The following CALHM2 variants were observed in gnomAD, a reference collection of about 807,000 sequenced individuals.
The protein encoded by CALHM2 is calcium homeostasis modulator protein 2.
In CALHM2, 18 loss-of-function variants were observed where a neutral mutation model predicts 20.4. The observed-to-expected ratio is 0.88, with a 90% CI of 0.61 to 1.31. The LOEUF is 1.31. Among genes scored for constraint, CALHM2 ranks in the 50% most tolerant of loss-of-function variants. The pLI is 0.00. For synonymous variants in CALHM2, 193 were observed against 192.1 expected (o/e 1.00, Z -0.04); for missense variants, 411 against 435.7 (o/e 0.94, Z 0.50).
Position 103,450,102 on chromosome 10 carries a change from G to A in CALHM2, c.-158-3C>T, listed in dbSNP as rs577505940. On this transcript the variant is annotated splice_region_variant and splice_polypyrimidine_tract_variant and intron_variant, in intron 2 of 3. Transcript: ENST00000260743. ...AGCTGTGGTTGGCCTGGTGTTTCCT[G>A]TGGAGCAGATGACCGATAAGTGTTT... is the stretch of plus-strand genomic sequence containing the variant. 1 of 640,396 alleles carries A rather than the reference G, an allele frequency of 1.6e-6. No homozygotes were observed. Among genetic ancestry groups the A allele is most frequent in the Non-Finnish European group, 2.7e-6 (1 of 369,758 alleles). The allele number at this position is 640,396 out of a possible 1,614,324, so 39.7% of individuals were successfully genotyped here.
Position 103,446,979 on chromosome 10 carries a change from G to T in CALHM2, c.*173C>A. ...CTGTCACCTGGCCCTGCTGGCTGGGGCTTCCATTGTCTACTGGGTCTGTCC... is the reference window on the plus strand; with the variant it reads ...CTGTCACCTGGCCCTGCTGGCTGGGTCTTCCATTGTCTACTGGGTCTGTCC... On this transcript the variant is annotated 3_prime_UTR_variant, in exon 4 of 4. Transcript: ENST00000260743. 1 of 636,940 alleles carries T rather than the reference G, an allele frequency of 1.6e-6. No homozygotes were observed. The highest frequency in any genetic ancestry group is 2.6e-6 in the Non-Finnish European group (1 of 382,370). 39.5% of individuals were successfully genotyped at this position (636,940 alleles called of 1,614,324 possible).
intron 3 of CALHM2, among the ~76,000 whole-genome samples, chr10:103,448,734 G>GA (rs891688050): frequency 1.3e-5 from 2 of 149,826 alleles, no homozygotes; most frequent in African/African-American, 2.4e-5. Context: ...AAAAAAAAAA[G>GA]AAAAAAAAGA....
intron 3 of CALHM2, among the ~76,000 whole-genome samples, chr10:103,447,957 CAT>C (rs1000494063): frequency 2.6e-5 from 4 of 152,154 alleles, no homozygotes; most frequent in African/African-American, 7.2e-5. Flanking sequence ...GGAGGTCACA[CAT>C]GTGCTTGTCT....
Position 103,449,626 on chromosome 10 carries a change from T to A in CALHM2, c.316A>T (p.Ile106Phe). 5.0e-6 allele frequency: 8 copies of A among 1,613,788 alleles called. No homozygotes were observed. The highest frequency in any genetic ancestry group is 6.8e-6 in the Non-Finnish European group (8 of 1,179,962). The stretch of plus-strand genomic sequence containing the variant: ...GGGGCCACAGCCGCACGTCCCAGGA[T>A]GGAGCTTAGAAGGAGGAAGGTGGGG... ...AAPTFLLLSS[I>F]LGRAAVAPVT... The change falls in exon 3 of 4, where the codon ATC becomes TTC. Residue 106 changes from isoleucine (I) to phenylalanine (F), a missense_variant. Transcript: ENST00000260743.
rs753895692 is a variant in CALHM2, at chr10:103,449,516, C to T, written c.426G>A (p.Thr142=). ...LSEFVDPSSL[T]AREEHFPSAH... ...CTGATGGGAAGTGCTCTTCCCTGGCCGTGAGTGAGGAAGGGTCCACGAACT... is the reference window on the plus strand; with the variant it reads ...CTGATGGGAAGTGCTCTTCCCTGGCTGTGAGTGAGGAAGGGTCCACGAACT... The change falls in exon 3 of 4, where the codon ACG becomes ACA. Residue 142 remains threonine (T), a synonymous_variant. Transcript: ENST00000260743. 6 of 1,613,458 alleles carry T rather than the reference C, an allele frequency of 3.7e-6. No individual in the cohort carries two copies. The highest frequency in any genetic ancestry group is 1.3e-5 in the African/African-American group (1 of 74,910).
Position 103,449,818 on chromosome 10 carries a change from CCA to C in CALHM2, c.122_123del (p.Val41GlyfsTer85). The C allele has an allele frequency of 1.9e-6, 3 of 1,613,392 alleles. No individual in the cohort carries two copies. The highest frequency in any genetic ancestry group is 2.5e-6 in the Non-Finnish European group (3 of 1,180,022). ...GGCGAGCAGGGGCAGTGGAAGGCCA[CCA>C]CAGAGAACAGCTCCTGGCTGCCCAC... ...GTVGSQELFS[V>X]VAFHCPCSPA... On this transcript the variant is annotated frameshift_variant, in exon 3 of 4. Transcript: ENST00000260743. LOFTEE classifies it high-confidence loss of function.
At chr10:103,450,945 G>C (rs1315233691) in intron 2 of CALHM2, 138 bp downstream of exon 2, 1 of 152,254 alleles carries the variant, frequency 6.6e-6, no homozygotes, top group East Asian at 1.9e-4. Context: ...ACCTGAAGAG[G>C]ATAAAGTGCC....
Position 103,447,044 on chromosome 10 carries a change from A to T in CALHM2, c.*108T>A. 8.2e-7 allele frequency: 1 copy of T among 1,223,866 alleles called. No homozygotes were observed. The allele number at this position is 1,223,866 out of a possible 1,614,324, so 75.8% of individuals were successfully genotyped here. A position where few individuals can be genotyped will look rare whatever the true frequency, so the allele number is the denominator to read the frequency against. On this transcript the variant is annotated 3_prime_UTR_variant, in exon 4 of 4. Coordinates refer to ENST00000260743, the MANE Select transcript of CALHM2 (RefSeq NM_015916.5). The stretch of plus-strand genomic sequence containing the variant: ...CTTGTGGTCCTTTCCCCTGGCCAAG[A>T]AGATAACAGTTTTTTAAAAATCCCC...
chr10:103,447,422 C>T lies in CALHM2; in HGVS notation c.702G>A (p.Thr234=), dbSNP rs149608137. 13 of 1,614,070 alleles carry T rather than the reference C, an allele frequency of 8.1e-6. No individual in the cohort carries two copies. The highest frequency in any genetic ancestry group is 5.0e-5 in the Admixed American group (3 of 60,008). The change falls in exon 4 of 4, where the codon ACG becomes ACA. Residue 234 remains threonine (T), a synonymous_variant. Transcript: ENST00000260743. Reference sequence around the variant, plus strand: ...CGAGCACCCGAGAGTGCACCTCGGCCGTGCGCTGGAACAGCTGGTCCTCAT... The same window carrying T: ...CGAGCACCCGAGAGTGCACCTCGGCTGTGCGCTGGAACAGCTGGTCCTCAT... ...RANEDQLFQR[T]AEVHSRVLAA...
rs756618009 is a variant in CALHM2, at chr10:103,447,374, G to C, written c.750C>G (p.Phe250Leu). Reference protein sequence around the residue: ...RVLAANNVRRFFGFVALNKDD... With the variant: ...RVLAANNVRRLFGFVALNKDD... Reference sequence around the variant, plus strand: ...CCTTGTTGAGCGCCACAAAGCCAAAGAAGCGGCGCACATTGTTGGCAGCGA... The same window carrying C: ...CCTTGTTGAGCGCCACAAAGCCAAACAAGCGGCGCACATTGTTGGCAGCGA... Residue 250 changes from phenylalanine (F) to leucine (L), a missense_variant, in exon 4 of 4, where the codon TTC becomes TTG. Phe to Leu is a conservative substitution (Grantham distance 22). Transcript: ENST00000260743. The C allele has an allele frequency of 3.1e-6, 5 of 1,614,132 alleles. No homozygotes were observed. The Middle Eastern group carries it at 4.9e-4, about 160-fold the overall frequency.
At chr10:103,450,127 T>G in intron 2 of CALHM2, 28 bp from the exon 3 acceptor site, 2 of 606,622 alleles carry the variant, frequency 3.3e-6, no homozygotes, top group East Asian at 5.5e-5. Flanking sequence ...GATAAGTGTT[T>G]CCCTCTGAAA....
rs2032843918 is a variant in CALHM2, at chr10:103,449,408, G to GCGGC, written c.530_533dup (p.Arg179ProfsTer6). On this transcript the variant is annotated frameshift_variant, in exon 3 of 4. Transcript: ENST00000260743. LOFTEE classifies it high-confidence loss of function. The stretch of plus-strand genomic sequence containing the variant: ...TTACCTGGGACTCATACCTGAGCCT[G>GCGGC]CGGCTGACCTCCTCCCGGAAGTCTG... 1 of 1,612,832 alleles carries GCGGC rather than the reference G, an allele frequency of 6.2e-7. No individual in the cohort carries two copies. Among genetic ancestry groups the GCGGC allele is most frequent in the Non-Finnish European group, 8.5e-7 (1 of 1,180,020 alleles).
rs1310159671 is a variant in CALHM2, at chr10:103,449,335, T to C, written c.555+52A>G. ...TTTAGCACTAGGCCATCCCCGGACC[T>C]CTCACCAGCCACCACTAGGGAAGAG... On this transcript the variant is annotated intron_variant, in intron 3 of 3. Coordinates refer to ENST00000260743, the MANE Select transcript of CALHM2 (RefSeq NM_015916.5). 5.2e-6 allele frequency: 8 copies of C among 1,535,244 alleles called. No homozygotes were observed. In the African/African-American group the frequency reaches 9.5e-5, roughly 18 times the overall value.
Position 103,450,055 on chromosome 10 carries a change from G to A in CALHM2, c.-114C>T. Reference sequence around the variant, plus strand: ...GCTGGGAGGCGCTGGACGGCAGGGTGTGGTTGTGCTATTTTATCCCCAGCT... The same window carrying A: ...GCTGGGAGGCGCTGGACGGCAGGGTATGGTTGTGCTATTTTATCCCCAGCT... On this transcript the variant is annotated 5_prime_UTR_variant, in exon 3 of 4. Coordinates refer to ENST00000260743, the MANE Select transcript of CALHM2 (RefSeq NM_015916.5). 1.1e-6 allele frequency: 1 copy of A among 933,546 alleles called. No individual in the cohort carries two copies. The highest frequency in any genetic ancestry group is 1.5e-5 in the South Asian group (1 of 64,932). The allele number at this position is 933,546 out of a possible 1,614,324, so 57.8% of individuals were successfully genotyped here. A position where few individuals can be genotyped will look rare whatever the true frequency, so the allele number is the denominator to read the frequency against.
At chr10:103,449,186 T>A (rs2032826952) in intron 3 of CALHM2, 45 of 570,030 alleles carry the variant, frequency 7.9e-5, no homozygotes, top group Middle Eastern at 4.8e-4. Context: ...AAAAAAAAAA[T>A]TGATAAAACT....
At chr10:103,451,644 G>GGAC (rs2032993748) in intron 1 of CALHM2, 1 of 128,010 alleles carries the variant, frequency 7.8e-6, no homozygotes, top group Non-Finnish European at 1.7e-5. Context: ...AGGAACAACA[G>GGAC]GAGGAGGAGG....
rs776320906 is a variant in CALHM2, at chr10:103,447,261, C to A, written c.863G>T (p.Arg288Leu). 6 of 1,614,234 alleles carry A rather than the reference C, an allele frequency of 3.7e-6. No homozygotes were observed. Among genetic ancestry groups the A allele is most frequent in the Admixed American group, 3.3e-5 (2 of 60,034 alleles). The change falls in exon 4 of 4, where the codon CGT becomes CTT. Residue 288 changes from arginine to leucine, a missense_variant. Arg to Leu is a moderately radical substitution (Grantham distance 102). Coordinates refer to ENST00000260743, the MANE Select transcript of CALHM2 (RefSeq NM_015916.5). ...GTAGAGTGGGAGGCCCTGGTTCTCA[C>A]GGTACAAGTAGACGCCGGTGATGGC... ...WNAITGVYLY[R>L]ENQGLPLYSR...
Position 103,450,057 on chromosome 10 carries a change from G to A in CALHM2, c.-116C>T. ...TGGGAGGCGCTGGACGGCAGGGTGT[G>A]GTTGTGCTATTTTATCCCCAGCTGT... On this transcript the variant is annotated 5_prime_UTR_variant, in exon 3 of 4. Transcript: ENST00000260743. The A allele has an allele frequency of 1.1e-6, 1 of 921,664 alleles. No homozygotes were observed. Among genetic ancestry groups the A allele is most frequent in the Non-Finnish European group, 1.7e-6 (1 of 605,896 alleles). 57.1% of individuals were successfully genotyped at this position (921,664 alleles called of 1,614,324 possible).
In CALHM2 at chr10:103,447,410, G is replaced by A. The variant is rs2032697896; in HGVS notation, c.714C>T (p.His238=). Residue 238 remains histidine (H), a synonymous_variant, in exon 4 of 4, where the codon CAC becomes CAT. Transcript: ENST00000260743. ...DQLFQRTAEV[H]SRVLAANNVR... ...CATTGTTGGCAGCGAGCACCCGAGA[G>A]TGCACCTCGGCCGTGCGCTGGAACA... 6.2e-7 allele frequency: 1 copy of A among 1,614,084 alleles called. No homozygotes were observed. The highest frequency in any genetic ancestry group is 1.3e-5 in the African/African-American group (1 of 74,958).
Sources: allele counts gnomAD v4.1 joint callset (sites outside exome capture counted in the v4.1 genomes callset), GRCh38; gene constraint gnomAD v4.1.1; transcripts MANE v1.5; gene names NCBI Gene and HGNC (gene_info 2026-07-23, HGNC 2026-07-21).